The following IL20RB variants were observed in gnomAD, a reference collection of about 807,000 sequenced individuals.
IL20RB encodes the protein interleukin-20 receptor subunit beta.
IL20RB carries 21 observed loss-of-function variants against 33.3 expected under a neutral mutation model. That is an observed-to-expected ratio of 0.63 (90% CI 0.45 to 0.91). The LOEUF (loss-of-function observed/expected upper bound fraction) is 0.91. Among genes scored for constraint, IL20RB ranks in the 40% least tolerant of loss-of-function variants. The pLI, the probability that IL20RB is intolerant of heterozygous loss-of-function variation, is 0.00. For synonymous variants in IL20RB, 147 were observed against 146.8 expected (o/e 1.00, Z -0.01); for missense variants, 345 against 384.8 (o/e 0.90, Z 0.86).
chr3:137,009,115 G>T (rs1014483525), intron 6 of IL20RB, among the ~76,000 whole-genome samples: 2 of 152,192 alleles, frequency 1.3e-5, no homozygotes, highest in African/African-American at 4.8e-5. Flanking sequence ...AGCCTCTGTG[G>T]CTGCCTCTTT....
intron 6 of IL20RB, among the ~76,000 whole-genome samples, chr3:137,006,761 C>T (rs891141663): frequency 2.6e-5 from 4 of 152,202 alleles, no homozygotes; most frequent in African/African-American, 9.7e-5. Flanking sequence ...CCTTCTGAAG[C>T]CTACTTCTGT....
At chr3:136,980,693 G>A in intron 2 of IL20RB, 101 bp downstream of exon 2, 1 of 1,213,962 alleles carries the variant, frequency 8.2e-7, no homozygotes, top group Non-Finnish European at 1.2e-6. Flanking sequence ...TGAGTCCAGG[G>A]ATAGATTATC....
chr3:136,993,711 G>C (rs1942075393), intron 5 of IL20RB, among the ~76,000 whole-genome samples: 1 of 151,946 alleles, frequency 6.6e-6, no homozygotes, highest in African/African-American at 2.4e-5. Context: ...CAGAATGATG[G>C]TTCTCCCTCA....
chr3:136,988,952 G>A (rs963578427), intron 3 of IL20RB, among the ~76,000 whole-genome samples: 3 of 152,170 alleles, frequency 2.0e-5, no homozygotes, highest in African/African-American at 7.2e-5. Context: ...AAAGACTGGG[G>A]CTGGCTGTTC....
At chr3:136,975,262 A>G (rs775555869) in intron 1 of IL20RB, among the ~76,000 whole-genome samples, 10 of 152,278 alleles carry the variant, frequency 6.6e-5, no homozygotes, top group African/African-American at 1.2e-4. Flanking sequence ...ATTTACTTCC[A>G]TAGGGGAGGA....
At position 136,958,202 on chromosome 3, in the gene IL20RB, G is replaced by GT. The variant is rs1560062081; in HGVS notation, c.88+2dup. The GT allele has an allele frequency of 2.5e-6, 4 of 1,586,594 alleles. No homozygotes were observed. Among genetic ancestry groups the GT allele is most frequent in the Non-Finnish European group, 3.5e-6 (4 of 1,155,300 alleles). ...GCATTGATTCCATGTTTGCTCACAG[G>GT]TAAGTATGAATTAGAATACATCCAA... On this transcript the variant is annotated splice_donor_variant, in intron 1 of 6. Coordinates refer to ENST00000329582, the MANE Select transcript of IL20RB (RefSeq NM_144717.4). LOFTEE classifies it high-confidence loss of function.
chr3:136,986,874 C>T (rs1941912935), intron 3 of IL20RB: 2 of 405,002 alleles, frequency 4.9e-6, no homozygotes, highest in African/African-American at 2.1e-5. Context: ...CTGGTGGGTT[C>T]CTAGTCTCGC....
intron 1 of IL20RB, 157 bp from the exon 2 acceptor site, chr3:136,980,309 A>C: frequency 1.3e-6 from 1 of 741,876 alleles, no homozygotes; most frequent in Non-Finnish European, 2.3e-6. Context: ...TTTTTGAGAC[A>C]GAGTCTCATT....
intron 5 of IL20RB, among the ~76,000 whole-genome samples, chr3:136,993,675 G>A (rs781060003): frequency 3.3e-5 from 5 of 152,096 alleles, no homozygotes; most frequent in Non-Finnish European, 7.4e-5. Context: ...GCAGTGTATG[G>A]TTTTCTGTTC....
rs775182552 is a variant in IL20RB, at chr3:136,958,155, T to A, written c.42T>A (p.Ser14Arg). The change falls in exon 1 of 7, where the codon AGT becomes AGA. Residue 14 changes from serine to arginine, a missense_variant. Physicochemically the swap from Ser to Arg is moderately radical, Grantham distance 110 (BLOSUM62 -1). Coordinates refer to ENST00000329582, the MANE Select transcript of IL20RB (RefSeq NM_144717.4). ...FTMVLEEIWT[S>R]LFMWFFYALI... ...TGGTTCTAGAAGAAATCTGGACAAG[T>A]CTTTTCATGTGGTTTTTCTACGCAT... is the stretch of plus-strand genomic sequence containing the variant. 5 of 1,612,370 alleles carry A rather than the reference T, an allele frequency of 3.1e-6. No individual in the cohort carries two copies. Among genetic ancestry groups the A allele is most frequent in the Non-Finnish European group, 4.2e-6 (5 of 1,178,424 alleles).
chr3:136,995,552 C>A lies in IL20RB; in HGVS notation c.821C>A (p.Thr274Asn), dbSNP rs775742103. 1 of 1,614,104 alleles carries A rather than the reference C, an allele frequency of 6.2e-7. No homozygotes were observed. The highest frequency in any genetic ancestry group is 8.5e-7 in the Non-Finnish European group (1 of 1,180,020). ...TGCCCCGTGGTGGTCCTCCCAGACA[C>A]CTTGGTAATAGAGTAGTTCTTTATT... ...SCCPVVVLPD[T>N]LKITNSPQKL... Residue 274 changes from threonine to asparagine, a missense_variant, in exon 6 of 7, where the codon ACC becomes AAC. Coordinates refer to ENST00000329582, the MANE Select transcript of IL20RB (RefSeq NM_144717.4).
At chr3:136,984,666 G>A (rs572727366) in intron 3 of IL20RB, among the ~76,000 whole-genome samples, 2 of 151,950 alleles carry the variant, frequency 1.3e-5, no homozygotes, top group African/African-American at 4.8e-5. Context: ...GAAGGGATGG[G>A]GCAGGAATAG....
chr3:136,980,139 GGTAA>G (rs1270016321), intron 1 of IL20RB, among the ~76,000 whole-genome samples: 1 of 151,968 alleles, frequency 6.6e-6, no homozygotes, highest in African/African-American at 2.4e-5. Flanking sequence ...GATAGAACAT[GGTAA>G]GTATTAGATA....
At chr3:136,998,512 T>A (rs189954239) in intron 6 of IL20RB, among the ~76,000 whole-genome samples, 23 of 151,998 alleles carry the variant, frequency 1.5e-4, no homozygotes, top group Non-Finnish European at 2.8e-4. Context: ...TGACTTTTTT[T>A]AATTATAGGT....
chr3:136,997,208 C>T (rs1020713812), intron 6 of IL20RB, among the ~76,000 whole-genome samples: 3 of 151,870 alleles, frequency 2.0e-5, no homozygotes, highest in Non-Finnish European at 4.4e-5. Context: ...AAGCAATTCT[C>T]CTGCCTCCTG....
At position 137,011,065 on chromosome 3, in the gene IL20RB, T is replaced by C. The variant is rs1461925256; in HGVS notation, c.*842T>C. ...ATTCAGCAAATAAAAAGGGCCACCC[T>C]GGCCAAAAGCGGTCTTTAAAGTTCT... On this transcript the variant is annotated 3_prime_UTR_variant, in exon 7 of 7. Transcript: ENST00000329582. The C allele has an allele frequency of 1.3e-5, 2 of 151,120 alleles. No individual in the cohort carries two copies. Among genetic ancestry groups the C allele is most frequent in the Non-Finnish European group, 2.9e-5 (2 of 67,950 alleles). The allele number at this position is 151,120 out of a possible 1,614,324, so 9.4% of individuals were successfully genotyped here.
intron 1 of IL20RB, among the ~76,000 whole-genome samples, chr3:136,977,727 T>A (rs1941659097): frequency 6.6e-6 from 1 of 152,108 alleles, no homozygotes; most frequent in Non-Finnish European, 1.5e-5. Flanking sequence ...GGTTTTGCCA[T>A]GTTGGCCAGG....
intron 3 of IL20RB, among the ~76,000 whole-genome samples, chr3:136,989,025 G>T (rs1285698043): frequency 6.6e-6 from 1 of 152,172 alleles, no homozygotes; most frequent in Non-Finnish European, 1.5e-5. Context: ...TGCTCACTTA[G>T]ATGAGCCAAA....
At chr3:136,964,337 A>G (rs1300690503) in intron 1 of IL20RB, among the ~76,000 whole-genome samples, 1 of 101,796 alleles carries the variant, frequency 9.8e-6, no homozygotes, top group Non-Finnish European at 2.0e-5. Flanking sequence ...CTATTTCTCC[A>G]CATCCTCTCC....
Sources: allele counts gnomAD v4.1 joint callset (sites outside exome capture counted in the v4.1 genomes callset), GRCh38; gene constraint gnomAD v4.1.1; transcripts MANE v1.5; gene names NCBI Gene and HGNC (gene_info 2026-07-23, HGNC 2026-07-21).